Variants in NPAT observed in about 807,000 individuals in gnomAD.
NPAT encodes the protein nuclear protein, coactivator of histone transcription.
Under a neutral mutation model 130.7 loss-of-function variants are expected in NPAT, and 52 were observed. The observed-to-expected ratio is 0.40, with a 90% CI of 0.32 to 0.50. The LOEUF (loss-of-function observed/expected upper bound fraction) is 0.50. Among genes scored for constraint, NPAT ranks in the 20% least tolerant of loss-of-function variants. The probability of loss-of-function intolerance (pLI) is 0.68; values close to 1 mark genes in which losing one functional copy is unlikely to be tolerated. For synonymous variants in NPAT, 580 were observed against 584.8 expected (o/e 0.99, Z 0.12); for missense variants, 1,687 against 1,662.6 (o/e 1.01, Z -0.26).
chr11:108,216,978 T>C (rs1266854363), intron 1 of NPAT, among the ~76,000 whole-genome samples: 1 of 152,228 alleles, frequency 6.6e-6, no homozygotes, highest in Admixed American at 6.5e-5. Context: ...AATACCATCA[T>C]TTTGTTCAAT....
chr11:108,207,436 G>T (rs560987951), intron 1 of NPAT, among the ~76,000 whole-genome samples: 3 of 152,208 alleles, frequency 2.0e-5, no homozygotes, highest in African/African-American at 7.2e-5. Flanking sequence ...GACATCCAAG[G>T]TGCCCACGGT....
intron 10 of NPAT, among the ~76,000 whole-genome samples, chr11:108,178,295 A>G (rs1449382298): frequency 6.6e-6 from 1 of 152,122 alleles, no homozygotes; most frequent in Non-Finnish European, 1.5e-5. Context: ...TTGTATTTTT[A>G]GTTCTTTTGA....
chr11:108,179,914 A>G (rs1473916237), intron 10 of NPAT, among the ~76,000 whole-genome samples: 1 of 152,240 alleles, frequency 6.6e-6, no homozygotes, highest in African/African-American at 2.4e-5. Context: ...ATAGACAAAT[A>G]GGACTACATC....
intron 10 of NPAT, among the ~76,000 whole-genome samples, chr11:108,182,550 T>C (rs1355582815): frequency 6.6e-6 from 1 of 152,262 alleles, no homozygotes; most frequent in East Asian, 1.9e-4. Context: ...TACGCTGGAG[T>C]GCAGTGGCGC....
intron 4 of NPAT, among the ~76,000 whole-genome samples, chr11:108,191,688 A>G (rs1399961744): frequency 1.3e-5 from 2 of 152,234 alleles, no homozygotes; most frequent in Admixed American, 1.3e-4. Context: ...CATAAAATTG[A>G]TAACAGAAGA....
At chr11:108,199,513 G>A (rs2078254999) in intron 1 of NPAT, among the ~76,000 whole-genome samples, 1 of 152,180 alleles carries the variant, frequency 6.6e-6, no homozygotes, top group Non-Finnish European at 1.5e-5. Context: ...CTGTGCAAGG[G>A]TAAGAGTGGA....
Position 108,193,997 on chromosome 11 carries a change from C to T in NPAT, c.177G>A (p.Leu59=), listed in dbSNP as rs2078196423. 6.4e-7 allele frequency: 1 copy of T among 1,559,402 alleles called. No homozygotes were observed. The highest frequency in any genetic ancestry group is 8.8e-7 in the Non-Finnish European group (1 of 1,131,526). ...CTACATACTCATTTAAAATTGTTGT[C>T]AAGTTTTTTCCAAATAAGGACTGAA... ...ACLLSLFGKN[L]TTILNEYVAM... The change falls in exon 3 of 18, where the codon TTG becomes TTA. Residue 59 remains leucine, a synonymous_variant. Coordinates refer to ENST00000278612, the MANE Select transcript of NPAT (RefSeq NM_002519.3).
chr11:108,216,045 A>G (rs534331520), intron 1 of NPAT, among the ~76,000 whole-genome samples: 2 of 152,384 alleles, frequency 1.3e-5, no homozygotes, highest in African/African-American at 4.8e-5. Context: ...TATTTGGAAT[A>G]GGTGAGTTAG....
At chr11:108,187,846 C>T (rs1286306725) in intron 7 of NPAT, among the ~76,000 whole-genome samples, 4 of 151,962 alleles carry the variant, frequency 2.6e-5, no homozygotes, top group Non-Finnish European at 4.4e-5. Flanking sequence ...TAAGATATAC[C>T]ATTATTTTAT....
At chr11:108,208,323 A>G (rs1273281507) in intron 1 of NPAT, 2 of 345,446 alleles carry the variant, frequency 5.8e-6, no homozygotes, top group Admixed American at 4.0e-5. Context: ...AAAAGATAAC[A>G]TGGCTGGGTG....
intron 11 of NPAT, 98 bp from the exon 12 acceptor site, chr11:108,176,472 G>C: frequency 2.2e-6 from 2 of 917,772 alleles, no homozygotes; most frequent in Non-Finnish European, 1.7e-6. Flanking sequence ...GTTAAACTTC[G>C]ATTTAGGGTT....
chr11:108,213,984 C>A (rs987335461), intron 1 of NPAT, among the ~76,000 whole-genome samples: 3 of 152,086 alleles, frequency 2.0e-5, no homozygotes, highest in Non-Finnish European at 4.4e-5. Context: ...AACTCCTGGG[C>A]TGAAGTGATC....
rs747232472 is a variant in NPAT, at chr11:108,222,558, C to T, written c.-22G>A. 23 of 1,613,558 alleles carry T rather than the reference C, an allele frequency of 1.4e-5. No individual in the cohort carries two copies. The highest frequency in any genetic ancestry group is 6.6e-5 in the South Asian group (6 of 90,982). On this transcript the variant is annotated 5_prime_UTR_variant, in exon 1 of 18. Transcript: ENST00000278612. ...ACATGATCAAAACCACAGCAGGAAC[C>T]ACAATAAGGAACAAGACTCAGGTTA...
intron 1 of NPAT, 87 bp downstream of exon 1, chr11:108,222,413 C>T (rs1389741912): frequency 9.2e-6 from 13 of 1,418,062 alleles, no homozygotes; most frequent in Admixed American, 1.8e-5. Flanking sequence ...CCAAAGCTTC[C>T]CTACCAAGGG....
intron 17 of NPAT, among the ~76,000 whole-genome samples, chr11:108,160,190 G>C (rs904781515): frequency 6.6e-6 from 1 of 151,914 alleles, no homozygotes; most frequent in Non-Finnish European, 1.5e-5. Flanking sequence ...AGATGCAGTG[G>C]CGCATGCCTG....
rs560134632 is a variant in NPAT at position 108,212,750 on chromosome 11, G to A, written c.37+9750C>T. ...GCCTGAGGTCAGGAGTTCGAGACCA[G>A]TCTGGCCAACATGGTGAAACCCCGT... On this transcript the variant is annotated intron_variant, in intron 1 of 17. Coordinates refer to ENST00000278612, the MANE Select transcript of NPAT (RefSeq NM_002519.3). Among the ~76,000 whole-genome samples the A allele has an allele frequency of 2.7e-4, 41 of 151,720 alleles. 1 individual carries two copies. In the South Asian group the frequency reaches 8.3e-3, roughly 31 times the overall value.
At chr11:108,189,013 A>G in intron 6 of NPAT, 93 bp downstream of exon 6, 1 of 1,018,016 alleles carries the variant, frequency 9.8e-7, no homozygotes, top group Non-Finnish European at 1.5e-6. Flanking sequence ...GGGGGCCATA[A>G]TTTTACACTA....
Position 108,160,939 on chromosome 11 carries a change from G to A in NPAT, c.4147C>T (p.Arg1383Cys), listed in dbSNP as rs745467845. 1.5e-5 allele frequency: 24 copies of A among 1,614,046 alleles called. No homozygotes were observed. Among genetic ancestry groups the A allele is most frequent in the Non-Finnish European group, 1.6e-5 (19 of 1,179,982 alleles). The change falls in exon 17 of 18, where the codon CGT (arginine) becomes TGT (cysteine). Residue 1383 changes from arginine (R) to cysteine (C), a missense_variant. By Grantham distance (180) the Arg-to-Cys change is radical. Around this residue, in one of 3 missense-constraint regions of NPAT, gnomAD observed 1,379 missense variants for 1,346.6 expected, o/e 1.02. Coordinates refer to ENST00000278612, the MANE Select transcript of NPAT (RefSeq NM_002519.3). The part of the protein sequence containing the change: ...EELDERERNS[R>C]PSSKNLTNSS... ...TTTGTAAGATTTTTACTAGAAGGAC[G>A]AGAGTTTCGCTCACGTTCATCTAAT...
chr11:108,222,579 G>C lies in NPAT; in HGVS notation c.-43C>G. The stretch of plus-strand genomic sequence containing the variant: ...GAACCACAATAAGGAACAAGACTCA[G>C]GTTAAAGCAAACACAGCGACAGCTC... On this transcript the variant is annotated 5_prime_UTR_variant, in exon 1 of 18. Transcript: ENST00000278612. 6.2e-7 allele frequency: 1 copy of C among 1,611,036 alleles called. No homozygotes were observed. The highest frequency in any genetic ancestry group is 8.5e-7 in the Non-Finnish European group (1 of 1,177,862).
Sources: allele counts gnomAD v4.1 joint callset (sites outside exome capture counted in the v4.1 genomes callset), GRCh38; gene constraint gnomAD v4.1.1; regional missense constraint gnomAD v4.1.1; transcripts MANE v1.5; gene names NCBI Gene and HGNC (gene_info 2026-07-23, HGNC 2026-07-21).